Variants in DLGAP2 observed in about 807,000 individuals in gnomAD.
DLGAP2 encodes disks large-associated protein 2.
Under a neutral mutation model 100.3 loss-of-function variants are expected in DLGAP2, and 26 were observed. That is an observed-to-expected ratio of 0.26 (90% CI 0.19 to 0.36). The LOEUF (loss-of-function observed/expected upper bound fraction) is 0.36, where lower values mean the gene tolerates loss of function less well. Among genes scored for constraint, DLGAP2 ranks in the 10% least tolerant of loss-of-function variants. The pLI is 1.00. For missense variants in DLGAP2, 1,858 were observed against 1,453.2 expected, an observed-to-expected ratio of 1.28 and a Z score of -4.53; for synonymous variants, 886 against 630.1, an observed-to-expected ratio of 1.41 and a Z score of -6.08.
At chr8:1,263,895 G>C (rs902931343) in intron 3 of DLGAP2, among the ~76,000 whole-genome samples, 1 of 152,070 alleles carries the variant, frequency 6.6e-6, no homozygotes, top group Non-Finnish European at 1.5e-5. Flanking sequence ...GGTTTTTAGT[G>C]ATTATTGTTG....
At chr8:1,317,647 G>A (rs371267086) in intron 3 of DLGAP2, among the ~76,000 whole-genome samples, 2 of 121,402 alleles carry the variant, frequency 1.6e-5, no homozygotes, top group East Asian at 2.6e-4. Flanking sequence ...GAGACACTCG[G>A]CAGCGTTTAA....
chr8:1,631,632 G>A (rs984700738), intron 7 of DLGAP2, among the ~76,000 whole-genome samples: 4 of 152,136 alleles, frequency 2.6e-5, no homozygotes, highest in African/African-American at 4.8e-5. Flanking sequence ...CCACCCCGCC[G>A]GCATTGTGCC....
chr8:1,033,355 T>G (rs1244318568), intron 2 of DLGAP2, among the ~76,000 whole-genome samples: 6 of 152,068 alleles, frequency 3.9e-5, no homozygotes, highest in African/African-American at 9.7e-5. Flanking sequence ...AAAAATGGGA[T>G]GAATGAAGAA....
chr8:1,260,890 C>A (rs1480162817), intron 3 of DLGAP2, among the ~76,000 whole-genome samples: 5 of 152,318 alleles, frequency 3.3e-5, no homozygotes, highest in East Asian at 3.9e-4. Context: ...CCTCTCAGGC[C>A]CAGCACCACT....
chr8:1,288,864 C>G (rs914282443), intron 3 of DLGAP2, among the ~76,000 whole-genome samples: 1 of 152,068 alleles, frequency 6.6e-6, no homozygotes, highest in Non-Finnish European at 1.5e-5. Flanking sequence ...ACACAGTGTT[C>G]ATTCCTCCAT....
At chr8:1,532,213 G>A (rs1801009547) in intron 4 of DLGAP2, among the ~76,000 whole-genome samples, 1 of 152,112 alleles carries the variant, frequency 6.6e-6, no homozygotes, top group African/African-American at 2.4e-5. Flanking sequence ...TGATATTGGG[G>A]CCCAAAGGTT....
intron 2 of DLGAP2, among the ~76,000 whole-genome samples, chr8:1,207,462 C>T (rs981697408): frequency 6.6e-6 from 1 of 152,212 alleles, no homozygotes; most frequent in South Asian, 2.1e-4. Flanking sequence ...ACCACATTTT[C>T]TTTTTTTACT....
intron 2 of DLGAP2, among the ~76,000 whole-genome samples, chr8:1,040,590 C>T (rs910108925): frequency 1.4e-5 from 2 of 147,532 alleles, no homozygotes; most frequent in Non-Finnish European, 3.0e-5. Flanking sequence ...GTGGTCGGCT[C>T]AGTGTGCGTG....
At chr8:1,479,986 A>T (rs1261089969) in intron 3 of DLGAP2, among the ~76,000 whole-genome samples, 1 of 152,178 alleles carries the variant, frequency 6.6e-6, no homozygotes, top group Non-Finnish European at 1.5e-5. Flanking sequence ...CCTGTGATAA[A>T]TGTTTTACAT....
At chr8:1,030,290 T>C (rs1801936744) in intron 2 of DLGAP2, among the ~76,000 whole-genome samples, 1 of 152,224 alleles carries the variant, frequency 6.6e-6, no homozygotes, top group South Asian at 2.1e-4. Context: ...CTCAAGACTC[T>C]TGGGTCCCAT....
chr8:760,206 A>G lies in DLGAP2; in HGVS notation c.18+22381A>G, dbSNP rs531367752. On this transcript the variant is annotated intron_variant, in intron 1 of 14. Coordinates refer to ENST00000637795, the MANE Select transcript of DLGAP2 (RefSeq NM_001346810.2). ...CTCTGAAAGGCATTCCAGAGGCCCAAGGGATGACACAGGCTTTTCAGTGTG... is the reference window on the plus strand; with the variant it reads ...CTCTGAAAGGCATTCCAGAGGCCCAGGGGATGACACAGGCTTTTCAGTGTG... Among the ~76,000 whole-genome samples, 15 of 152,262 alleles carry G rather than the reference A, an allele frequency of 9.9e-5. No homozygotes were observed. The East Asian group carries it at 2.9e-3, about 29-fold the overall frequency.
intron 2 of DLGAP2, among the ~76,000 whole-genome samples, chr8:1,105,485 G>A (rs1804726016): frequency 6.6e-6 from 1 of 152,180 alleles, no homozygotes; most frequent in Non-Finnish European, 1.5e-5. Context: ...GATGGTGGGA[G>A]ATGCAGGGAG....
chr8:1,411,063 C>T (rs550732872), intron 3 of DLGAP2, among the ~76,000 whole-genome samples: 1 of 152,206 alleles, frequency 6.6e-6, no homozygotes, highest in South Asian at 2.1e-4. Context: ...TAAAGTGTCA[C>T]CGTGGAAAGC....
At chr8:1,331,174 G>A (rs1390557231) in intron 3 of DLGAP2, among the ~76,000 whole-genome samples, 1 of 152,238 alleles carries the variant, frequency 6.6e-6, no homozygotes, top group African/African-American at 2.4e-5. Context: ...GGGGGAAGTG[G>A]ATTCTTAGTC....
intron 2 of DLGAP2, among the ~76,000 whole-genome samples, chr8:922,684 C>G (rs1428005816): frequency 6.6e-6 from 1 of 152,156 alleles, no homozygotes; most frequent in Non-Finnish European, 1.5e-5. Context: ...TTAATACCCT[C>G]CCTTTAAACA....
At chr8:1,176,023 T>C (rs147113278) in intron 2 of DLGAP2, among the ~76,000 whole-genome samples, 14 of 152,312 alleles carry the variant, frequency 9.2e-5, no homozygotes, top group African/African-American at 3.4e-4. Flanking sequence ...CTGGTCCATC[T>C]TCCCAGATGG....
intron 3 of DLGAP2, among the ~76,000 whole-genome samples, chr8:1,330,524 TGG>T (rs1318320022): frequency 2.8e-5 from 4 of 143,282 alleles, no homozygotes; most frequent in Non-Finnish European, 6.1e-5. Context: ...GACTGAGTTC[TGG>T]GTGGGACTGA....
chr8:794,699 C>T (rs2132644423), intron 1 of DLGAP2, among the ~76,000 whole-genome samples: 1 of 152,344 alleles, frequency 6.6e-6, no homozygotes, highest in South Asian at 2.1e-4. Context: ...GAATATGTTA[C>T]AGTGCTGTAG....
intron 3 of DLGAP2, among the ~76,000 whole-genome samples, chr8:1,385,819 G>T (rs918024246): frequency 1.5e-4 from 22 of 151,212 alleles, no homozygotes; most frequent in South Asian, 4.2e-4. Flanking sequence ...AGAACTTGGT[G>T]CACAGTTACC....
Sources: allele counts gnomAD v4.1 joint callset (sites outside exome capture counted in the v4.1 genomes callset), GRCh38; gene constraint gnomAD v4.1.1; transcripts MANE v1.5; gene names NCBI Gene and HGNC (gene_info 2026-07-23, HGNC 2026-07-21).